MAN1A1: variants seen among roughly 807,000 people sequenced by gnomAD.
MAN1A1 encodes mannosyl-oligosaccharide 1,2-alpha-mannosidase IA.
Under a neutral mutation model 70.8 loss-of-function variants are expected in MAN1A1, and 29 were observed. The observed-to-expected ratio is 0.41, with a 90% confidence interval of 0.31 to 0.56. MAN1A1 has a LOEUF of 0.56. MAN1A1 is among the 20% of genes least tolerant of loss of function. The pLI, the probability that MAN1A1 is intolerant of heterozygous loss-of-function variation, is 0.29. For synonymous variants in MAN1A1, 349 were observed against 330.1 expected, an observed-to-expected ratio of 1.06 and a Z score of -0.62; for missense variants, 747 against 841.3, an observed-to-expected ratio of 0.89 and a Z score of 1.39.
intron 6 of MAN1A1, among the ~76,000 whole-genome samples, chr6:119,217,543 G>C (rs1327869796): frequency 6.6e-6 from 1 of 152,174 alleles, no homozygotes; most frequent in Admixed American, 6.6e-5. Context: ...GCCTCCCAAA[G>C]GCGTGAGCCA....
At chr6:119,274,741 A>G (rs921141324) in intron 5 of MAN1A1, among the ~76,000 whole-genome samples, 3 of 152,162 alleles carry the variant, frequency 2.0e-5, no homozygotes, top group African/African-American at 7.2e-5. Flanking sequence ...GTTCAGAATA[A>G]AAAGAGAGAT....
chr6:119,270,507 A>C (rs1775890157), intron 5 of MAN1A1, among the ~76,000 whole-genome samples: 1 of 152,192 alleles, frequency 6.6e-6, no homozygotes, highest in South Asian at 2.1e-4. Context: ...GTGCATCAGC[A>C]GTCACTCCCC....
chr6:119,206,427 G>A (rs909315371), intron 6 of MAN1A1, among the ~76,000 whole-genome samples: 9 of 152,276 alleles, frequency 5.9e-5, no homozygotes, highest in African/African-American at 2.2e-4. Context: ...AGGATTACTG[G>A]CGCTTGCAGT....
intron 5 of MAN1A1, among the ~76,000 whole-genome samples, chr6:119,248,748 C>A (rs1300185068): frequency 6.6e-6 from 1 of 152,122 alleles, no homozygotes; most frequent in Non-Finnish European, 1.5e-5. Flanking sequence ...AGGATAAGAC[C>A]CGGACTGAGA....
At chr6:119,284,819 T>C (rs973728516) in intron 5 of MAN1A1, among the ~76,000 whole-genome samples, 2 of 152,230 alleles carry the variant, frequency 1.3e-5, no homozygotes, top group South Asian at 2.1e-4. Flanking sequence ...TATATTTTGA[T>C]TGGAGGTATG....
Position 119,307,990 on chromosome 6 carries a change from T to C in MAN1A1, c.604-998A>G, listed in dbSNP as rs59771009. 5.9e-3 allele frequency among the ~76,000 whole-genome samples: 895 copies of C among 152,288 alleles called. 30 individuals carry two copies. The East Asian group carries it at 0.09, about 15-fold the overall frequency. ...ACAACAATCAGCATCTTTAACCAAC[T>C]TGTAAATTACCTTCCTAACTCACCA... On this transcript the variant is annotated intron_variant, in intron 2 of 12. Transcript: ENST00000368468.
chr6:119,193,646 A>G, intron 9 of MAN1A1, 131 bp downstream of exon 9: 3 of 561,430 alleles, frequency 5.3e-6, no homozygotes, highest in Non-Finnish European at 9.4e-6. Flanking sequence ...ATTAGCAGAT[A>G]TCGAACTCTA....
At chr6:119,285,656 G>T (rs1776351884) in intron 5 of MAN1A1, among the ~76,000 whole-genome samples, 1 of 147,102 alleles carries the variant, frequency 6.8e-6, no homozygotes. Context: ...TCTACTTTCT[G>T]GATTTAAATC....
chr6:119,290,682 C>T lies in MAN1A1; in HGVS notation c.897+1G>A, dbSNP rs751961110. On this transcript the variant is annotated splice_donor_variant, in intron 5 of 12. Coordinates refer to ENST00000368468, the MANE Select transcript of MAN1A1 (RefSeq NM_005907.4). LOFTEE classifies it high-confidence loss of function. ...CATTTATATACCACTTTTCATCTTA[C>T]CTCTTCTCCAGACAGATAGTAGGCT... is the stretch of plus-strand genomic sequence containing the variant. 1 of 1,602,628 alleles carries T rather than the reference C, an allele frequency of 6.2e-7. No homozygotes were observed. The highest frequency in any genetic ancestry group is 8.5e-7 in the Non-Finnish European group (1 of 1,173,230).
At chr6:119,196,393 C>T (rs1156568951) in intron 8 of MAN1A1, among the ~76,000 whole-genome samples, 1 of 151,562 alleles carries the variant, frequency 6.6e-6, no homozygotes, top group Non-Finnish European at 1.5e-5. Flanking sequence ...TAGCATGTCA[C>T]TCACTAAGCT....
At chr6:119,200,324 G>C (rs1054931608) in intron 8 of MAN1A1, among the ~76,000 whole-genome samples, 4 of 152,126 alleles carry the variant, frequency 2.6e-5, no homozygotes, top group Non-Finnish European at 2.9e-5. Context: ...ACCACACTTA[G>C]GTAAGTGGTA....
intron 5 of MAN1A1, among the ~76,000 whole-genome samples, chr6:119,278,616 GAT>G (rs1482117343): frequency 6.6e-6 from 1 of 152,044 alleles, no homozygotes; most frequent in Non-Finnish European, 1.5e-5. Context: ...CATCGTCAGT[GAT>G]AATAGATATC....
At chr6:119,218,067 C>T (rs1336585858) in intron 6 of MAN1A1, among the ~76,000 whole-genome samples, 1 of 152,148 alleles carries the variant, frequency 6.6e-6, no homozygotes, top group Non-Finnish European at 1.5e-5. Flanking sequence ...TACAATCATG[C>T]CACATTAGCC....
chr6:119,210,437 T>C (rs1251875887), intron 6 of MAN1A1, among the ~76,000 whole-genome samples: 1 of 152,130 alleles, frequency 6.6e-6, no homozygotes, highest in East Asian at 1.9e-4. Flanking sequence ...TAAAAAAAAA[T>C]CAGTCCTACA....
chr6:119,257,225 G>A (rs1775484377), intron 5 of MAN1A1, among the ~76,000 whole-genome samples: 1 of 152,160 alleles, frequency 6.6e-6, no homozygotes, highest in African/African-American at 2.4e-5. Flanking sequence ...GCGAGCAGGT[G>A]GAGAGCTAGA....
intron 6 of MAN1A1, among the ~76,000 whole-genome samples, chr6:119,211,615 C>T (rs976259623): frequency 4.6e-5 from 7 of 152,176 alleles, no homozygotes; most frequent in African/African-American, 1.4e-4. Context: ...GGAAAACTTC[C>T]TCTTCCAGGC....
chr6:119,233,306 C>T (rs1258678367), intron 6 of MAN1A1, among the ~76,000 whole-genome samples: 1 of 152,154 alleles, frequency 6.6e-6, no homozygotes, highest in Non-Finnish European at 1.5e-5. Context: ...CACATGAACA[C>T]AGTTTGGCCT....
In MAN1A1 at chr6:119,179,316, A is replaced by C. The variant is rs1773085153; in HGVS notation, c.*503T>G. On this transcript the variant is annotated 3_prime_UTR_variant, in exon 13 of 13. Coordinates refer to ENST00000368468, the MANE Select transcript of MAN1A1 (RefSeq NM_005907.4). Reference sequence around the variant, plus strand: ...TATCAAATAATGATAGACCTGCATAAGGAGGCTGTCACAGAAGATCTGTCT... The same window carrying C: ...TATCAAATAATGATAGACCTGCATACGGAGGCTGTCACAGAAGATCTGTCT... 6.5e-6 allele frequency: 1 copy of C among 152,892 alleles called. No individual in the cohort carries two copies. Among genetic ancestry groups the C allele is most frequent in the Admixed American group, 6.5e-5 (1 of 15,326 alleles). 9.5% of individuals were successfully genotyped at this position (152,892 alleles called of 1,614,324 possible). A position where few individuals can be genotyped will look rare whatever the true frequency, so the allele number is the denominator to read the frequency against.
At chr6:119,300,219 T>C (rs1772349790) in intron 4 of MAN1A1, among the ~76,000 whole-genome samples, 1 of 152,064 alleles carries the variant, frequency 6.6e-6, no homozygotes, top group South Asian at 2.1e-4. Flanking sequence ...CTGATTTTAA[T>C]AAGAAGGTAG....
Sources: gnomAD v4.1 joint callset for allele counts (sites outside exome capture counted in the v4.1 genomes callset) on GRCh38, gnomAD v4.1.1 for gene constraint, MANE v1.5 for transcripts, NCBI Gene and HGNC (gene_info 2026-07-23, HGNC 2026-07-21) for gene names.